The following SLAIN2 variants were observed in gnomAD, a reference collection of about 807,000 sequenced individuals.
SLAIN2 encodes SLAIN motif-containing protein 2.
Under a neutral mutation model 56.6 loss-of-function variants are expected in SLAIN2, and 31 were observed. The ratio of observed to expected loss-of-function variants is 0.55; its 90% confidence interval spans 0.41 to 0.74. The LOEUF (loss-of-function observed/expected upper bound fraction) is 0.74. Ranked by LOEUF, SLAIN2 falls within the 30% of genes least tolerant of loss-of-function variation. The pLI is 0.00. For missense variants in SLAIN2, 777 were observed against 754.2 expected (o/e 1.03, Z -0.35); for synonymous variants, 317 against 284.9 (o/e 1.11, Z -1.13).
chr4:48,389,858 A>T (rs943634644), intron 6 of SLAIN2, among the ~76,000 whole-genome samples: 13 of 152,096 alleles, frequency 8.5e-5, no homozygotes, highest in South Asian at 2.1e-4. Flanking sequence ...AGGAGTTTGA[A>T]TTTCATCCTG....
chr4:48,396,537 AT>A (rs1716394086), intron 6 of SLAIN2, among the ~76,000 whole-genome samples: 1 of 152,282 alleles, frequency 6.6e-6, no homozygotes, highest in African/African-American at 2.4e-5. Context: ...TTCCCCTCAT[AT>A]CGAGACATTA....
chr4:48,358,305 T>A (rs1318104950), intron 1 of SLAIN2, among the ~76,000 whole-genome samples: 1 of 151,656 alleles, frequency 6.6e-6, no homozygotes, highest in Non-Finnish European at 1.5e-5. Context: ...ATAATTACTG[T>A]TACATTGACT....
At chr4:48,360,177 A>C (rs1292043221) in intron 1 of SLAIN2, among the ~76,000 whole-genome samples, 1 of 151,722 alleles carries the variant, frequency 6.6e-6, no homozygotes, top group African/African-American at 2.4e-5. Context: ...AATAGTGGTT[A>C]GTTCCCTTGT....
chr4:48,353,396 GGAAAGCTTCAT>G lies in SLAIN2; in HGVS notation c.389+11279_389+11289del, dbSNP rs969828419. ...AATAGTCATAAGAACTTTGATGGTTGGAAAGCTTCATGAAAGCTTCAAAAAAGACTTCATGG... is the reference window on the plus strand; with the variant it reads ...AATAGTCATAAGAACTTTGATGGTTGGAAAGCTTCAAAAAAGACTTCATGG... On this transcript the variant is annotated intron_variant, in intron 1 of 7. Transcript: ENST00000264313. Among the ~76,000 whole-genome samples the G allele has an allele frequency of 9.3e-4, 142 of 152,108 alleles. 8 individuals are homozygous for G. The highest frequency in any genetic ancestry group is 3.5e-4 in the Non-Finnish European group (24 of 67,978).
At chr4:48,418,403 C>A (rs149825607) in intron 6 of SLAIN2, among the ~76,000 whole-genome samples, 3 of 151,666 alleles carry the variant, frequency 2.0e-5, no homozygotes, top group Non-Finnish European at 4.4e-5. Flanking sequence ...TTTTTGAGTC[C>A]GCTGTTACAA....
intron 1 of SLAIN2, among the ~76,000 whole-genome samples, chr4:48,365,209 C>T (rs1241334400): frequency 6.6e-6 from 1 of 151,778 alleles, no homozygotes; most frequent in Non-Finnish European, 1.5e-5. Context: ...TGGCTCATGC[C>T]TGTAATCCCA....
At chr4:48,365,444 CAAAAAAAAAA>C (rs34317951) in intron 1 of SLAIN2, among the ~76,000 whole-genome samples, 3 of 56,990 alleles carry the variant, frequency 5.3e-5, no homozygotes, top group East Asian at 1.2e-3. Flanking sequence ...GACTCCATCT[CAAAAAAAAAA>C]AAAAAAAAAA....
At chr4:48,397,548 C>G (rs1315274388) in intron 6 of SLAIN2, among the ~76,000 whole-genome samples, 1 of 152,058 alleles carries the variant, frequency 6.6e-6, no homozygotes, top group African/African-American at 2.4e-5. Context: ...GCAGGATGTG[C>G]AGGTTTGTTA....
rs746052619 is a variant in SLAIN2, at chr4:48,341,900, C to G, written c.161C>G (p.Ala54Gly). 1.9e-5 allele frequency: 29 copies of G among 1,510,472 alleles called. No individual in the cohort carries two copies. The South Asian group carries it at 3.6e-4, about 19-fold the overall frequency. 93.6% of individuals were successfully genotyped at this position (1,510,472 alleles called of 1,614,324 possible). A position where few individuals can be genotyped will look rare whatever the true frequency, so the allele number is the denominator to read the frequency against. The change falls in exon 1 of 8, where the codon GCG becomes GGG. Residue 54 changes from alanine (A) to glycine (G), a missense_variant. Transcript: ENST00000264313. ...CCCGGCAGCCCGGTTCGGGCCGGCGCGTCCATTCCCTCCTCCGGCGCGGCG... is the reference window on the plus strand; with the variant it reads ...CCCGGCAGCCCGGTTCGGGCCGGCGGGTCCATTCCCTCCTCCGGCGCGGCG... ...LGPGSPVRAG[A>G]SIPSSGAASP...
intron 6 of SLAIN2, among the ~76,000 whole-genome samples, chr4:48,413,044 A>G (rs1716907371): frequency 1.3e-5 from 2 of 152,118 alleles, no homozygotes; most frequent in South Asian, 2.1e-4. Context: ...CCAGACCATC[A>G]TGGCAAAACT....
intron 1 of SLAIN2, among the ~76,000 whole-genome samples, chr4:48,366,768 A>G (rs958523264): frequency 6.6e-6 from 1 of 152,164 alleles, no homozygotes; most frequent in African/African-American, 2.4e-5. Context: ...TGAGCTCCCC[A>G]TTGGGCCTCC....
rs965275554 is a variant in SLAIN2, at chr4:48,370,032, T to C, written c.538+35T>C. 2.5e-6 allele frequency: 4 copies of C among 1,598,094 alleles called. No individual in the cohort carries two copies. The African/African-American group carries it at 4.0e-5, about 16-fold the overall frequency. ...TAATTTTGCTTGTAAATTCATCTCT[T>C]TGCTTTCTTTAGTCAAAAACCATAA... On this transcript the variant is annotated intron_variant, in intron 2 of 7. Transcript: ENST00000264313.
In SLAIN2 at chr4:48,342,060, C is replaced by T. The variant is rs1300276183; in HGVS notation, c.321C>T (p.Asp107=). Residue 107 remains aspartate (D), a synonymous_variant, in exon 1 of 8, where the codon GAC becomes GAT. Transcript: ENST00000264313. The part of the protein sequence containing the change: ...LLAAGEGGLL[D]EVEPLRPDEL... ...CGGCGGGCGAGGGCGGCTTGCTGGACGAGGTGGAGCCGCTGCGGCCCGACG... is the reference window on the plus strand; with the variant it reads ...CGGCGGGCGAGGGCGGCTTGCTGGATGAGGTGGAGCCGCTGCGGCCCGACG... 3.6e-6 allele frequency: 5 copies of T among 1,381,714 alleles called. No individual in the cohort carries two copies. The highest frequency in any genetic ancestry group is 1.7e-5 in the South Asian group (1 of 59,314). The allele number at this position is 1,381,714 out of a possible 1,614,324, so 85.6% of individuals were successfully genotyped here.
At position 48,349,396 on chromosome 4, in the gene SLAIN2, C is replaced by T. The variant is rs528301101; in HGVS notation, c.389+7268C>T. Among the ~76,000 whole-genome samples, 16 of 152,300 alleles carry T rather than the reference C, an allele frequency of 1.1e-4. No homozygotes were observed. The East Asian group carries it at 2.5e-3, about 24-fold the overall frequency. On this transcript the variant is annotated intron_variant, in intron 1 of 7. Coordinates refer to ENST00000264313, the MANE Select transcript of SLAIN2 (RefSeq NM_020846.2). ...CAGTGAGACCAGATTTCTTACATGA[C>T]GCTTATGCCAGTTACAGATGAGATA... is the stretch of plus-strand genomic sequence containing the variant.
intron 6 of SLAIN2, among the ~76,000 whole-genome samples, chr4:48,405,001 A>G (rs1716656192): frequency 6.6e-6 from 1 of 152,136 alleles, no homozygotes; most frequent in South Asian, 2.1e-4. Context: ...CCATATCTTG[A>G]TGTTGTAGGA....
intron 1 of SLAIN2, among the ~76,000 whole-genome samples, chr4:48,351,032 G>T (rs1277653473): frequency 2.0e-5 from 3 of 152,210 alleles, no homozygotes; most frequent in Non-Finnish European, 4.4e-5. Flanking sequence ...CACTTCTGCA[G>T]TGTACTAGAC....
At chr4:48,356,999 C>T (rs1560450685) in intron 1 of SLAIN2, among the ~76,000 whole-genome samples, 1 of 152,014 alleles carries the variant, frequency 6.6e-6, no homozygotes, top group Non-Finnish European at 1.5e-5. Flanking sequence ...ACTAATGTCA[C>T]TTCAGTGCTT....
chr4:48,419,469 C>T (rs114457398), intron 6 of SLAIN2, among the ~76,000 whole-genome samples: 3,167 of 152,188 alleles, frequency 0.021, 117 homozygotes, highest in African/African-American at 0.072. Flanking sequence ...GGCATCATCT[C>T]GGCTCACTGC....
chr4:48,411,207 A>C (rs1327083829), intron 6 of SLAIN2, among the ~76,000 whole-genome samples: 1 of 152,136 alleles, frequency 6.6e-6, no homozygotes, highest in African/African-American at 2.4e-5. Flanking sequence ...GGAAATTTCA[A>C]AGCCTTCCTA....
Sources: gnomAD v4.1 joint callset for allele counts (sites outside exome capture counted in the v4.1 genomes callset) on GRCh38, gnomAD v4.1.1 for gene constraint, MANE v1.5 for transcripts, NCBI Gene and HGNC (gene_info 2026-07-23, HGNC 2026-07-21) for gene names.